SPAG16: variants seen among roughly 807,000 people sequenced by gnomAD.
SPAG16 encodes the protein sperm-associated antigen 16 protein.
A neutral mutation model predicts 80.4 loss-of-function variants in SPAG16; 86 were observed. The ratio of observed to expected loss-of-function variants is 1.07; its 90% CI spans 0.90 to 1.28. SPAG16 has a LOEUF of 1.28. Ranked by LOEUF, SPAG16 falls within the 50% of genes most tolerant of loss-of-function variation. The pLI, the probability that SPAG16 is intolerant of heterozygous loss-of-function variation, is 0.00. For missense variants in SPAG16, 870 were observed against 765.3 expected (o/e 1.14, Z -1.61); for synonymous variants, 294 against 265.9 (o/e 1.11, Z -1.03).
intron 10 of SPAG16, among the ~76,000 whole-genome samples, chr2:213,545,233 A>C (rs1559239900): frequency 6.6e-6 from 1 of 152,132 alleles, no homozygotes; most frequent in East Asian, 1.9e-4. Context: ...GTAGAACATC[A>C]TTTCATTTGC....
At chr2:213,477,727 C>T (rs2125684633) in intron 9 of SPAG16, among the ~76,000 whole-genome samples, 1 of 152,278 alleles carries the variant, frequency 6.6e-6, no homozygotes. Flanking sequence ...GTGGAAGGGA[C>T]TTGCCTTGTC....
chr2:213,765,750 G>A (rs1165814764), intron 10 of SPAG16, among the ~76,000 whole-genome samples: 1 of 152,100 alleles, frequency 6.6e-6, no homozygotes, highest in Non-Finnish European at 1.5e-5. Context: ...TAATTGCTTT[G>A]TTCCTAACAC....
intron 10 of SPAG16, among the ~76,000 whole-genome samples, chr2:213,547,224 T>C (rs1184040646): frequency 6.6e-6 from 1 of 152,080 alleles, no homozygotes; most frequent in African/African-American, 2.4e-5. Context: ...AATACCACCT[T>C]TTTATAGTCT....
chr2:213,795,213 T>C (rs1468058543), intron 10 of SPAG16, among the ~76,000 whole-genome samples: 2 of 152,170 alleles, frequency 1.3e-5, no homozygotes, highest in Non-Finnish European at 2.9e-5. Context: ...AGATGTTATG[T>C]TTAGCAATGA....
In SPAG16 at chr2:213,383,887, A is replaced by G. The variant is rs538512547; in HGVS notation, c.942+8768A>G. On this transcript the variant is annotated intron_variant, in intron 9 of 15. Coordinates refer to ENST00000331683, the MANE Select transcript of SPAG16 (RefSeq NM_024532.5). Reference sequence around the variant, plus strand: ...GTGGAATGTTAACCTTGGCAAGAACATAAACATGTACTGTTGTCTGCCCAA... The same window carrying G: ...GTGGAATGTTAACCTTGGCAAGAACGTAAACATGTACTGTTGTCTGCCCAA... 1.9e-3 allele frequency among the ~76,000 whole-genome samples: 297 copies of G among 152,336 alleles called. 1 individual carries two copies. Among genetic ancestry groups the G allele is most frequent in the African/African-American group, 7.1e-3 (295 of 41,588 alleles).
At chr2:213,594,701 A>G (rs1258270153) in intron 10 of SPAG16, among the ~76,000 whole-genome samples, 1 of 152,172 alleles carries the variant, frequency 6.6e-6, no homozygotes, top group Admixed American at 6.5e-5. Flanking sequence ...CAGTTCTTGA[A>G]GCAGGGACTT....
intron 15 of SPAG16, among the ~76,000 whole-genome samples, chr2:214,377,831 A>G (rs919354404): frequency 6.6e-6 from 1 of 152,216 alleles, no homozygotes; most frequent in Non-Finnish European, 1.5e-5. Flanking sequence ...TGTGGCAAGC[A>G]CAATAATGGC....
At chr2:214,245,459 TAAAGA>T (rs1380896014) in intron 15 of SPAG16, among the ~76,000 whole-genome samples, 4 of 152,154 alleles carry the variant, frequency 2.6e-5, no homozygotes, top group African/African-American at 9.7e-5. Context: ...AAAAAGGTAT[TAAAGA>T]AAATATAAGT....
chr2:213,370,523 A>G (rs1046307931), intron 8 of SPAG16, among the ~76,000 whole-genome samples: 2 of 152,202 alleles, frequency 1.3e-5, no homozygotes, highest in African/African-American at 4.8e-5. Flanking sequence ...TGAAATTATC[A>G]TAATTTCATG....
intron 5 of SPAG16, among the ~76,000 whole-genome samples, chr2:213,337,783 C>G (rs536499961): frequency 6.6e-6 from 1 of 152,100 alleles, no homozygotes; most frequent in South Asian, 2.1e-4. Context: ...AGAATGGAAC[C>G]AAGTTGGAAA....
intron 11 of SPAG16, among the ~76,000 whole-genome samples, chr2:213,913,215 A>G (rs2077758928): frequency 6.6e-6 from 1 of 152,082 alleles, no homozygotes. Flanking sequence ...CAGCTGTAGT[A>G]TATTCATTTT....
chr2:214,259,873 C>T (rs1245633772), intron 15 of SPAG16, among the ~76,000 whole-genome samples: 1 of 152,152 alleles, frequency 6.6e-6, no homozygotes, highest in Non-Finnish European at 1.5e-5. Context: ...TCATCTGTCT[C>T]AGGCAGTTCT....
chr2:214,045,565 G>T (rs759059095), intron 13 of SPAG16, among the ~76,000 whole-genome samples: 24 of 152,142 alleles, frequency 1.6e-4, no homozygotes, highest in Admixed American at 1.0e-3. Flanking sequence ...ATCCCTGGGG[G>T]TTAGAGCACC....
intron 15 of SPAG16, among the ~76,000 whole-genome samples, chr2:214,201,768 A>G (rs1559125389): frequency 6.6e-6 from 1 of 152,192 alleles, no homozygotes; most frequent in Non-Finnish European, 1.5e-5. Context: ...TTAATTAATG[A>G]GTATGCTATT....
At chr2:213,943,708 A>T (rs12471453) in intron 12 of SPAG16, among the ~76,000 whole-genome samples, 1 of 152,214 alleles carries the variant, frequency 6.6e-6, no homozygotes, top group East Asian at 1.9e-4. Context: ...AAGAGAAAGA[A>T]GGAATCATTA....
intron 9 of SPAG16, among the ~76,000 whole-genome samples, chr2:213,451,553 G>T (rs535951170): frequency 6.6e-6 from 1 of 152,200 alleles, no homozygotes; most frequent in Non-Finnish European, 1.5e-5. Context: ...CATGGCCAAG[G>T]AAATCAAAGA....
chr2:213,758,127 G>T (rs2068445471), intron 10 of SPAG16: 1 of 150,756 alleles, frequency 6.6e-6, no homozygotes, highest in African/African-American at 2.4e-5. Flanking sequence ...TTTGGCACAG[G>T]CTTAGAAAAG....
intron 10 of SPAG16, among the ~76,000 whole-genome samples, chr2:213,833,781 T>C (rs1413620250): frequency 6.7e-6 from 1 of 149,280 alleles, no homozygotes; most frequent in African/African-American, 2.5e-5. Context: ...CCATGATAAA[T>C]GTATCACAGC....
At chr2:214,026,719 G>A (rs574305339) in intron 13 of SPAG16, among the ~76,000 whole-genome samples, 11 of 151,274 alleles carry the variant, frequency 7.3e-5, no homozygotes, top group African/African-American at 2.2e-4. Context: ...CTAGCCTACC[G>A]GTTATTAATC....
Sources: allele counts gnomAD v4.1 joint callset (sites outside exome capture counted in the v4.1 genomes callset), GRCh38; gene constraint gnomAD v4.1.1; transcripts MANE v1.5; gene names NCBI Gene and HGNC (gene_info 2026-07-23, HGNC 2026-07-21).